MFHAS1: variants seen among roughly 807,000 people sequenced by gnomAD.
MFHAS1 encodes malignant fibrous histiocytoma-amplified sequence 1.
A neutral mutation model predicts 70.4 loss-of-function variants in MFHAS1; 50 were observed. The observed-to-expected ratio is 0.71, with a 90% CI of 0.57 to 0.90. MFHAS1 has a LOEUF of 0.90. Among genes scored for constraint, MFHAS1 ranks in the 40% least tolerant of loss-of-function variants. The pLI, the probability that MFHAS1 is intolerant of heterozygous loss-of-function variation, is 0.00. For synonymous variants in MFHAS1, 952 were observed against 620.0 expected, an observed-to-expected ratio of 1.54 and a Z score of -7.96; for missense variants, 1,795 against 1,347.6, an observed-to-expected ratio of 1.33 and a Z score of -5.20.
chr8:8,852,261 G>T (rs1423076219), intron 1 of MFHAS1, among the ~76,000 whole-genome samples: 1 of 152,166 alleles, frequency 6.6e-6, no homozygotes. Flanking sequence ...ATCACTTGAG[G>T]TCAGGAATTC....
chr8:8,892,439 T>G lies in MFHAS1; in HGVS notation c.620A>C (p.Glu207Ala). Residue 207 changes from glutamate to alanine, a missense_variant, in exon 1 of 3, where the codon GAG becomes GCG. Coordinates refer to ENST00000276282, the MANE Select transcript of MFHAS1 (RefSeq NM_004225.3). This position sits in a 1 kb window ranked among gnomAD's most constrained non-coding sequence, Gnocchi z 4.7. ...PRQLLQLVALEELDVSSNRLR... is the reference protein window; with the variant it reads ...PRQLLQLVALAELDVSSNRLR... ...CCGGTTGCTGGACACGTCCAGCTCC[T>G]CCAGGGCCACCAGCTGCAGCAGCTG... is the stretch of plus-strand genomic sequence containing the variant. The G allele has an allele frequency of 6.2e-7, 1 of 1,611,800 alleles. No homozygotes were observed. Among genetic ancestry groups the G allele is most frequent in the East Asian group, 2.2e-5 (1 of 44,734 alleles).
chr8:8,867,470 T>C (rs1366187236), intron 1 of MFHAS1, among the ~76,000 whole-genome samples: 1 of 152,120 alleles, frequency 6.6e-6, no homozygotes, highest in Non-Finnish European at 1.5e-5. Flanking sequence ...TCTACTCTTT[T>C]ATTATTAATC....
chr8:8,882,934 T>C (rs1464034384), intron 1 of MFHAS1, among the ~76,000 whole-genome samples: 2 of 151,788 alleles, frequency 1.3e-5, no homozygotes, highest in Non-Finnish European at 1.5e-5. Flanking sequence ...GGGAGGATCA[T>C]CTGAGGTCAG....
chr8:8,812,103 C>T (rs1207073960), intron 1 of MFHAS1, among the ~76,000 whole-genome samples: 19 of 152,160 alleles, frequency 1.2e-4, no homozygotes, highest in Admixed American at 1.1e-3. Context: ...GTTCCATGTG[C>T]GGCGACTCCA....
At chr8:8,872,158 G>A (rs189499875) in intron 1 of MFHAS1, among the ~76,000 whole-genome samples, 47 of 152,316 alleles carry the variant, frequency 3.1e-4, no homozygotes, top group African/African-American at 4.8e-4. Flanking sequence ...GACTGTGCAC[G>A]GATATGAACA....
At chr8:8,834,038 A>C (rs1342896613) in intron 1 of MFHAS1, among the ~76,000 whole-genome samples, 1 of 152,108 alleles carries the variant, frequency 6.6e-6, no homozygotes, top group Non-Finnish European at 1.5e-5. Flanking sequence ...AGGCATGAGA[A>C]TCGCTTGAAC....
intron 1 of MFHAS1, among the ~76,000 whole-genome samples, chr8:8,841,419 G>A (rs1483695271): frequency 6.6e-6 from 1 of 151,014 alleles, no homozygotes; most frequent in African/African-American, 2.4e-5. Flanking sequence ...AGTGAGCCGG[G>A]AATGCACCAC....
chr8:8,840,539 T>C (rs911759831), intron 1 of MFHAS1, among the ~76,000 whole-genome samples: 3 of 151,318 alleles, frequency 2.0e-5, no homozygotes, highest in Non-Finnish European at 4.4e-5. Context: ...TTGGCAGCCA[T>C]GATGGTGCCG....
intron 1 of MFHAS1, among the ~76,000 whole-genome samples, chr8:8,819,196 T>C (rs1806855439): frequency 6.6e-6 from 1 of 152,230 alleles, no homozygotes; most frequent in Non-Finnish European, 1.5e-5. Context: ...ACTGTTTCTA[T>C]TCTACTACCA....
intron 1 of MFHAS1, among the ~76,000 whole-genome samples, chr8:8,813,405 AG>A (rs1188597465): frequency 6.6e-6 from 1 of 152,106 alleles, no homozygotes; most frequent in African/African-American, 2.4e-5. Context: ...GAGGTGTTCC[AG>A]GAGAAGGCAT....
At chr8:8,827,257 T>C (rs1457925203) in intron 1 of MFHAS1, among the ~76,000 whole-genome samples, 1 of 152,212 alleles carries the variant, frequency 6.6e-6, no homozygotes, top group African/African-American at 2.4e-5. Flanking sequence ...AATATCTGCG[T>C]AGTTATTTTT....
Sources: allele counts gnomAD v4.1 joint callset (sites outside exome capture counted in the v4.1 genomes callset), GRCh38; gene constraint gnomAD v4.1.1; non-coding constraint Gnocchi (gnomAD v3.1); transcripts MANE v1.5; gene names NCBI Gene and HGNC (gene_info 2026-07-23, HGNC 2026-07-21).